Variants in RIT2 observed in about 807,000 individuals in gnomAD.
RIT2 encodes the protein GTP-binding protein Rit2.
In RIT2, 24 loss-of-function variants were observed where a neutral mutation model predicts 23.7. That is an observed-to-expected ratio of 1.01 (90% CI 0.73 to 1.43). The LOEUF (loss-of-function observed/expected upper bound fraction) is 1.43. Ranked by LOEUF, RIT2 falls within the 40% of genes most tolerant of loss-of-function variation. The pLI is 0.00. For synonymous variants in RIT2, 107 were observed against 91.1 expected (o/e 1.17, Z -0.99); for missense variants, 236 against 266.9 (o/e 0.88, Z 0.81).
intron 4 of RIT2, among the ~76,000 whole-genome samples, chr18:42,870,362 T>A (rs1482169590): frequency 1.3e-5 from 2 of 152,094 alleles, no homozygotes; most frequent in East Asian, 3.9e-4. Context: ...TGCCTCAGCC[T>A]CCCACGTAGC....
chr18:42,906,289 T>C (rs905461860), intron 4 of RIT2, among the ~76,000 whole-genome samples: 2 of 151,990 alleles, frequency 1.3e-5, no homozygotes, highest in Non-Finnish European at 2.9e-5. Context: ...TCTTTTCTTC[T>C]CAAAGTAAAA....
chr18:42,763,723 T>C (rs900217464), intron 4 of RIT2, among the ~76,000 whole-genome samples: 4 of 152,216 alleles, frequency 2.6e-5, no homozygotes, highest in Non-Finnish European at 5.9e-5. Context: ...TTTTTATAAC[T>C]TTTTGACTCT....
At chr18:42,820,517 G>A (rs1288641142) in intron 4 of RIT2, among the ~76,000 whole-genome samples, 1 of 152,074 alleles carries the variant, frequency 6.6e-6, no homozygotes, top group Non-Finnish European at 1.5e-5. Flanking sequence ...AGCCAATGTG[G>A]AACCGTGGAA....
chr18:42,770,843 G>A (rs1422440619), intron 4 of RIT2, among the ~76,000 whole-genome samples: 2 of 150,912 alleles, frequency 1.3e-5, no homozygotes, highest in Non-Finnish European at 3.0e-5. Context: ...AGAGAGGAAG[G>A]GAAAAAAAGG....
chr18:42,767,908 C>T (rs186677863), intron 4 of RIT2, among the ~76,000 whole-genome samples: 11 of 152,182 alleles, frequency 7.2e-5, no homozygotes, highest in South Asian at 2.1e-4. Flanking sequence ...AAGTGCCTTT[C>T]GCCTCCCACC....
At position 42,870,908 on chromosome 18, in the gene RIT2, T is replaced by C. The variant is rs150706759; in HGVS notation, c.426+52664A>G. Among the ~76,000 whole-genome samples, 550 of 152,344 alleles carry C rather than the reference T, an allele frequency of 3.6e-3. 1 individual carries two copies. Among genetic ancestry groups the C allele is most frequent in the Non-Finnish European group, 6.1e-3 (413 of 68,028 alleles). ...ACAAACGTTTCAAGTCCTTAACAGC[T>C]TAATTTCCCATAAAAGACTGAATAT... On this transcript the variant is annotated intron_variant, in intron 4 of 4. Transcript: ENST00000326695.
intron 4 of RIT2, among the ~76,000 whole-genome samples, chr18:42,784,745 G>A (rs1014584964): frequency 2.6e-5 from 4 of 151,960 alleles, no homozygotes; most frequent in Non-Finnish European, 5.9e-5. Context: ...AAATACCTTA[G>A]TAATCATTAA....
chr18:42,745,156 C>A (rs1274564037), intron 4 of RIT2, among the ~76,000 whole-genome samples: 1 of 152,078 alleles, frequency 6.6e-6, no homozygotes, highest in Non-Finnish European at 1.5e-5. Flanking sequence ...TACTAACATT[C>A]CTACTCAAAA....
At chr18:43,027,243 A>G (rs546275554) in intron 2 of RIT2, among the ~76,000 whole-genome samples, 4 of 152,260 alleles carry the variant, frequency 2.6e-5, no homozygotes, top group Admixed American at 6.5e-5. Flanking sequence ...CTGGTGGTAC[A>G]TTCAACTCTG....
chr18:42,886,765 A>C (rs1286237911), intron 4 of RIT2, among the ~76,000 whole-genome samples: 1 of 152,200 alleles, frequency 6.6e-6, no homozygotes, highest in Non-Finnish European at 1.5e-5. Flanking sequence ...TGAAAATTAA[A>C]CAGAAATGAC....
chr18:43,025,753 T>C (rs905964046), intron 2 of RIT2, among the ~76,000 whole-genome samples: 1 of 152,124 alleles, frequency 6.6e-6, no homozygotes, highest in African/African-American at 2.4e-5. Flanking sequence ...AAATACCATA[T>C]GCATTCACTT....
chr18:42,798,772 C>T lies in RIT2; in HGVS notation c.427-55052G>A, dbSNP rs186285369. 8.5e-5 allele frequency among the ~76,000 whole-genome samples: 13 copies of T among 152,342 alleles called. No homozygotes were observed. In the East Asian group the frequency reaches 2.3e-3, roughly 27 times the overall value. On this transcript the variant is annotated intron_variant, in intron 4 of 4. Coordinates refer to ENST00000326695, the MANE Select transcript of RIT2 (RefSeq NM_002930.4). ...AATTGGGTTGCCACTGATTTCCAGACAATTGCTTCAGAAAAGGGTTCTGTC... is the reference window on the plus strand; with the variant it reads ...AATTGGGTTGCCACTGATTTCCAGATAATTGCTTCAGAAAAGGGTTCTGTC...
At chr18:43,047,918 G>A (rs1912286229) in intron 1 of RIT2, among the ~76,000 whole-genome samples, 1 of 152,112 alleles carries the variant, frequency 6.6e-6, no homozygotes, top group South Asian at 2.1e-4. Flanking sequence ...ATGGAGTGGA[G>A]GCTGACTGGT....
intron 3 of RIT2, among the ~76,000 whole-genome samples, chr18:42,924,755 C>G: frequency 6.6e-6 from 1 of 152,008 alleles, no homozygotes. Flanking sequence ...ACTTCTTTAC[C>G]TAGCAAAGTG....
chr18:42,828,678 GGGAAAGAAATAT>G (rs1175689328), intron 4 of RIT2, among the ~76,000 whole-genome samples: 2 of 152,146 alleles, frequency 1.3e-5, no homozygotes. Flanking sequence ...ACTAATTCCA[GGGAAAGAAATAT>G]GGAAAGTCAA....
intron 4 of RIT2, among the ~76,000 whole-genome samples, chr18:42,857,636 C>T (rs2144045074): frequency 6.6e-6 from 1 of 152,314 alleles, no homozygotes; most frequent in East Asian, 1.9e-4. Context: ...TAGCCAGCCC[C>T]TGAAAAGGGC....
intron 4 of RIT2, among the ~76,000 whole-genome samples, chr18:42,888,311 AC>A (rs1290801696): frequency 2.0e-5 from 3 of 152,024 alleles, no homozygotes; most frequent in Admixed American, 6.6e-5. Context: ...CTCTAAAAAA[AC>A]AAAGGGTTTT....
chr18:42,928,712 T>A (rs55856981), intron 3 of RIT2, among the ~76,000 whole-genome samples: 4,406 of 152,058 alleles, frequency 0.029, 113 homozygotes, highest in African/African-American at 0.058. Flanking sequence ...TTTCTCAGTC[T>A]CAATCTGATG....
intron 3 of RIT2, among the ~76,000 whole-genome samples, chr18:42,941,222 A>G (rs1264414078): frequency 2.0e-5 from 3 of 152,168 alleles, no homozygotes; most frequent in African/African-American, 7.2e-5. Context: ...ACTGGAGCCA[A>G]CAGCTACTGT....
Sources: gnomAD v4.1 joint callset for allele counts (sites outside exome capture counted in the v4.1 genomes callset) on GRCh38, gnomAD v4.1.1 for gene constraint, MANE v1.5 for transcripts, NCBI Gene and HGNC (gene_info 2026-07-23, HGNC 2026-07-21) for gene names.